G2E3: variants seen among roughly 807,000 people sequenced by gnomAD.
The protein encoded by G2E3 is G2/M-phase specific E3 ubiquitin protein ligase.
G2E3 carries 35 observed loss-of-function variants against 92.8 expected under a neutral mutation model. That is an observed-to-expected ratio of 0.38 (90% CI 0.29 to 0.50). The LOEUF (loss-of-function observed/expected upper bound fraction) is 0.50, where lower values mean the gene tolerates loss of function less well. Ranked by LOEUF, G2E3 falls within the 20% of genes least tolerant of loss-of-function variation. G2E3 has a pLI of 0.94. For synonymous variants in G2E3, 242 were observed against 272.4 expected (o/e 0.89, Z 1.10); for missense variants, 554 against 823.8 (o/e 0.67, Z 4.01).
intron 1 of G2E3, 147 bp from the exon 2 acceptor site, chr14:30,580,929 G>T: frequency 1.7e-6 from 1 of 600,534 alleles, no homozygotes; most frequent in Non-Finnish European, 3.0e-6. Flanking sequence ...GAGAACTACT[G>T]ATCTTAGATG....
intron 12 of G2E3, among the ~76,000 whole-genome samples, chr14:30,609,689 G>A (rs1464409271): frequency 6.6e-6 from 1 of 152,126 alleles, no homozygotes; most frequent in Non-Finnish European, 1.5e-5. Context: ...AGTCTAACAT[G>A]TTTAAGATAA....
At chr14:30,566,130 T>G (rs1330037115) in intron 1 of G2E3, among the ~76,000 whole-genome samples, 1 of 152,248 alleles carries the variant, frequency 6.6e-6, no homozygotes, top group Non-Finnish European at 1.5e-5. Context: ...ATGTCTGTCC[T>G]TGTGCCAGTA....
intron 10 of G2E3, among the ~76,000 whole-genome samples, chr14:30,604,963 C>G (rs1186897591): frequency 6.6e-6 from 1 of 152,120 alleles, no homozygotes; most frequent in African/African-American, 2.4e-5. Flanking sequence ...ATGGCGTGAT[C>G]TTGGCTCAAC....
chr14:30,589,261 C>T (rs954786162), intron 3 of G2E3, 122 bp from the exon 4 acceptor site: 2 of 603,578 alleles, frequency 3.3e-6, no homozygotes, highest in Admixed American at 2.7e-5. Flanking sequence ...CTATAGATAA[C>T]TACTTGAAAT....
chr14:30,573,750 A>G (rs770050956), intron 1 of G2E3: 1 of 152,114 alleles, frequency 6.6e-6, no homozygotes, highest in Non-Finnish European at 1.5e-5. Flanking sequence ...GGACTAGCTA[A>G]TGTCTACCCA....
Position 30,598,401 on chromosome 14 carries a change from G to A in G2E3, c.636-82G>A, listed in dbSNP as rs188616439. On this transcript the variant is annotated intron_variant, in intron 7 of 14. Coordinates refer to ENST00000206595, the MANE Select transcript of G2E3 (RefSeq NM_017769.5). The stretch of plus-strand genomic sequence containing the variant: ...GACTGCGTCTCAAGAACAAAAAAAG[G>A]TTTTTATTTTTAGATTCATTCCTGA... 4.1e-6 allele frequency: 4 copies of A among 973,980 alleles called. No homozygotes were observed. In the East Asian group the frequency reaches 7.3e-5, roughly 18 times the overall value. 60.3% of individuals were successfully genotyped at this position (973,980 alleles called of 1,614,324 possible).
intron 3 of G2E3, among the ~76,000 whole-genome samples, chr14:30,588,056 G>A (rs1029729284): frequency 1.8e-4 from 28 of 152,108 alleles, no homozygotes; most frequent in South Asian, 2.1e-4. Flanking sequence ...TTGTGCCTCC[G>A]TACCTCAAAG....
At chr14:30,600,324 G>T (rs1184136170) in intron 8 of G2E3, among the ~76,000 whole-genome samples, 1 of 152,100 alleles carries the variant, frequency 6.6e-6, no homozygotes, top group Non-Finnish European at 1.5e-5. Flanking sequence ...CATTGTGCTT[G>T]TTACAATATA....
At chr14:30,612,124 A>G in intron 12 of G2E3, 83 bp from the exon 13 acceptor site, 1 of 943,948 alleles carries the variant, frequency 1.1e-6, no homozygotes. Flanking sequence ...AAATTTGAGT[A>G]TAAATTAACA....
Position 30,608,221 on chromosome 14 carries a change from G to C in G2E3, c.1500+152G>C, listed in dbSNP as rs146633967. The C allele has an allele frequency of 1.2e-3, 605 of 487,722 alleles. 4 individuals carry two copies. The highest frequency in any genetic ancestry group is 0.011 in the South Asian group (221 of 19,874). The allele number at this position is 487,722 out of a possible 1,614,324, so 30.2% of individuals were successfully genotyped here. ...TGTTTACCAGTGGAGTTCTGAACCA[G>C]TTAAAAGATAGTTTTAAAAGTCAGA... is the stretch of plus-strand genomic sequence containing the variant. On this transcript the variant is annotated intron_variant, in intron 12 of 14. Transcript: ENST00000206595.
At chr14:30,599,181 G>T (rs570889211) in intron 8 of G2E3, among the ~76,000 whole-genome samples, 27 of 152,002 alleles carry the variant, frequency 1.8e-4, no homozygotes, top group Non-Finnish European at 3.2e-4. Flanking sequence ...CAGTCATTTG[G>T]TTTAGGGCCC....
chr14:30,564,038 T>C (rs568614531), intron 1 of G2E3, among the ~76,000 whole-genome samples: 19 of 152,270 alleles, frequency 1.2e-4, no homozygotes, highest in African/African-American at 3.6e-4. Context: ...TATCTTAAAC[T>C]TATCCTTTTG....
chr14:30,563,695 T>TTGTGTGTGTG lies in G2E3; in HGVS notation c.-5+4458_-5+4467dup, dbSNP rs56029424. On this transcript the variant is annotated intron_variant, in intron 1 of 14. Transcript: ENST00000206595. ...ATGTAAACTTGTAACTTTGTTACTT[T>TTGTGTGTGTG]TGTGTGTGTGTGTGTGTGTGTGTGT... Among the ~76,000 whole-genome samples, 452 of 141,290 alleles carry TTGTGTGTGTG rather than the reference T, an allele frequency of 3.2e-3. 3 individuals carry two copies. Among genetic ancestry groups the TTGTGTGTGTG allele is most frequent in the Middle Eastern group, 0.018 (5 of 282 alleles). 92.7% of individuals were successfully genotyped at this position (141,290 alleles called of 152,430 possible). A position where few individuals can be genotyped will look rare whatever the true frequency, so the allele number is the denominator to read the frequency against.
chr14:30,612,960 T>C (rs1409006910), intron 13 of G2E3, among the ~76,000 whole-genome samples: 1 of 152,226 alleles, frequency 6.6e-6, no homozygotes, highest in Non-Finnish European at 1.5e-5. Flanking sequence ...TTAAAACTCT[T>C]ACCACATGAG....
At chr14:30,561,659 C>T (rs1301789582) in intron 1 of G2E3, among the ~76,000 whole-genome samples, 1 of 152,182 alleles carries the variant, frequency 6.6e-6, no homozygotes, top group Non-Finnish European at 1.5e-5. Flanking sequence ...AAGACTTCTC[C>T]AGGCTGTGCT....
chr14:30,580,366 C>T (rs1241512403), intron 1 of G2E3, among the ~76,000 whole-genome samples: 1 of 152,088 alleles, frequency 6.6e-6, no homozygotes, highest in Non-Finnish European at 1.5e-5. Flanking sequence ...ACCACCACGC[C>T]CTGCTAACTT....
At chr14:30,589,055 CT>C (rs1355513677) in intron 3 of G2E3, among the ~76,000 whole-genome samples, 1 of 151,918 alleles carries the variant, frequency 6.6e-6, no homozygotes, top group Non-Finnish European at 1.5e-5. Flanking sequence ...TGTAGGTGTT[CT>C]TTCTTTCTTT....
chr14:30,596,567 AT>A (rs1881302781), intron 6 of G2E3, among the ~76,000 whole-genome samples: 1 of 152,138 alleles, frequency 6.6e-6, no homozygotes, highest in African/African-American at 2.4e-5. Flanking sequence ...GCAAACCTCT[AT>A]TTCTTCTTCT....
At chr14:30,600,169 A>G (rs1346063800) in intron 8 of G2E3, among the ~76,000 whole-genome samples, 1 of 152,202 alleles carries the variant, frequency 6.6e-6, no homozygotes, top group Non-Finnish European at 1.5e-5. Context: ...AGAGCAGAAT[A>G]CTGGGAGCCT....
Sources: gnomAD v4.1 joint callset for allele counts (sites outside exome capture counted in the v4.1 genomes callset) on GRCh38, gnomAD v4.1.1 for gene constraint, MANE v1.5 for transcripts, NCBI Gene and HGNC (gene_info 2026-07-23, HGNC 2026-07-21) for gene names.